The following SORCS3 variants were observed in gnomAD, a reference collection of about 807,000 sequenced individuals.
SORCS3 encodes the protein VPS10 domain-containing receptor SorCS3.
In SORCS3, 57 loss-of-function variants were observed where a neutral mutation model predicts 146.3. The ratio of observed to expected loss-of-function variants is 0.39; its 90% CI spans 0.31 to 0.49. SORCS3 has a LOEUF of 0.49. SORCS3 is among the 20% of genes least tolerant of loss of function. The pLI, the probability that SORCS3 is intolerant of heterozygous loss-of-function variation, is 0.92. For synonymous variants in SORCS3, 653 were observed against 618.5 expected, an observed-to-expected ratio of 1.06 and a Z score of -0.83; for missense variants, 1,341 against 1,575.5, an observed-to-expected ratio of 0.85 and a Z score of 2.52.
chr10:104,722,633 T>C (rs1459912889), intron 1 of SORCS3, among the ~76,000 whole-genome samples: 1 of 152,220 alleles, frequency 6.6e-6, no homozygotes, highest in Non-Finnish European at 1.5e-5. Flanking sequence ...TGGTAAGCTA[T>C]TAATTATTGT....
At chr10:104,993,596 G>A (rs1351473108) in intron 4 of SORCS3, among the ~76,000 whole-genome samples, 1 of 151,370 alleles carries the variant, frequency 6.6e-6, no homozygotes. Flanking sequence ...AATGCTGAAA[G>A]GTGGCTGGGA....
rs1164000237 is a variant in SORCS3 at position 105,083,980 on chromosome 10, A to G, written c.1029-5795A>G. Reference sequence around the variant, plus strand: ...CAGGAGAAGTTAAGCTTATGGCTCAAAGCCACCTGCCTGGTTTGAGTCTGA... The same window carrying G: ...CAGGAGAAGTTAAGCTTATGGCTCAGAGCCACCTGCCTGGTTTGAGTCTGA... On this transcript the variant is annotated intron_variant, in intron 5 of 26. Transcript: ENST00000369701. Among the ~76,000 whole-genome samples, 5 of 152,332 alleles carry G rather than the reference A, an allele frequency of 3.3e-5. No individual in the cohort carries two copies. In the East Asian group the frequency reaches 9.7e-4, roughly 29 times the overall value.
chr10:104,871,572 G>A (rs2491376), intron 2 of SORCS3, among the ~76,000 whole-genome samples: 1 of 152,046 alleles, frequency 6.6e-6, no homozygotes, highest in Non-Finnish European at 1.5e-5. Context: ...GCAGCCTTCT[G>A]CAATGTGTCT....
At chr10:104,917,409 A>G (rs557825758) in intron 3 of SORCS3, among the ~76,000 whole-genome samples, 9 of 152,212 alleles carry the variant, frequency 5.9e-5, no homozygotes, top group South Asian at 4.1e-4. Context: ...TGTACAACAT[A>G]CTGTTTTGAA....
intron 25 of SORCS3, among the ~76,000 whole-genome samples, chr10:105,260,904 AG>A (rs1236202497): frequency 2.0e-5 from 3 of 152,192 alleles, no homozygotes; most frequent in Non-Finnish European, 4.4e-5. Context: ...ATGAGGTAAG[AG>A]GGGTCTCTTC....
chr10:104,779,609 C>G (rs1475728049), intron 1 of SORCS3, among the ~76,000 whole-genome samples: 1 of 152,168 alleles, frequency 6.6e-6, no homozygotes. Flanking sequence ...GTAAAGACAG[C>G]TTGGTGCCCT....
chr10:105,198,668 A>G (rs1020734389), intron 14 of SORCS3, among the ~76,000 whole-genome samples: 8 of 152,140 alleles, frequency 5.3e-5, no homozygotes, highest in African/African-American at 1.9e-4. Context: ...TTTGCTCCAC[A>G]GTGTCAGCTG....
rs1589486681 is a variant in SORCS3, at chr10:104,755,455, A to G, written c.628-87337A>G. Among the ~76,000 whole-genome samples the G allele has an allele frequency of 2.6e-5, 4 of 152,244 alleles. No homozygotes were observed. The East Asian group carries it at 7.7e-4, about 29-fold the overall frequency. ...AAATTTAGATCAGTAATAAGATTGC[A>G]TGAGAGTTGAATAAGGACATAAGAA... On this transcript the variant is annotated intron_variant, in intron 1 of 26. Coordinates refer to ENST00000369701, the MANE Select transcript of SORCS3 (RefSeq NM_014978.3).
intron 1 of SORCS3, 68 bp downstream of exon 1, chr10:104,642,022 G>GGGTGGGGGGGGGGGGGGGGGGGCCCC: frequency 5.8e-6 from 1 of 173,336 alleles, no homozygotes; most frequent in Non-Finnish European, 1.1e-5. Context: ...GGGTGGGTGG[G>GGGTGGGGGGGGGGGGGGGGGGGCCCC]AGCGAGGGAC....
intron 3 of SORCS3, among the ~76,000 whole-genome samples, chr10:104,963,416 C>G (rs1303555236): frequency 6.6e-6 from 1 of 152,168 alleles, no homozygotes; most frequent in African/African-American, 2.4e-5. Flanking sequence ...CACAGCTGGA[C>G]ACTCTTCCCT....
intron 20 of SORCS3, among the ~76,000 whole-genome samples, chr10:105,223,839 C>T (rs1325802229): frequency 6.6e-6 from 1 of 152,204 alleles, no homozygotes; most frequent in African/African-American, 2.4e-5. Context: ...TCAAGCATGA[C>T]CACAATTGTA....
At chr10:104,884,223 A>G (rs1427905217) in intron 2 of SORCS3, among the ~76,000 whole-genome samples, 1 of 152,190 alleles carries the variant, frequency 6.6e-6, no homozygotes, top group South Asian at 2.1e-4. Flanking sequence ...GTGATAATAT[A>G]TCTTTAAAGG....
intron 4 of SORCS3, among the ~76,000 whole-genome samples, chr10:105,003,706 A>G (rs2902645): frequency 0.24 from 36,046 of 152,014 alleles, 4,858 homozygotes; most frequent in African/African-American, 0.35. Context: ...GGAACTTGAC[A>G]TGGGTGCCTG....
chr10:104,957,542 A>G (rs1007086359), intron 3 of SORCS3, among the ~76,000 whole-genome samples: 1 of 144,236 alleles, frequency 6.9e-6, no homozygotes, highest in Non-Finnish European at 1.5e-5. Context: ...TCTTTCTGCA[A>G]TAAGGAAAGA....
At chr10:105,242,854 A>T (rs1395801535) in intron 20 of SORCS3, among the ~76,000 whole-genome samples, 6 of 103,296 alleles carry the variant, frequency 5.8e-5, no homozygotes, top group African/African-American at 2.4e-4. Flanking sequence ...TTATATATAA[A>T]TTATATATAT....
At chr10:104,833,797 C>T (rs776697000) in intron 1 of SORCS3, among the ~76,000 whole-genome samples, 3 of 152,158 alleles carry the variant, frequency 2.0e-5, no homozygotes, top group Non-Finnish European at 4.4e-5. Flanking sequence ...GTAGCCTAAA[C>T]TCTCTTCTCT....
chr10:104,779,217 A>G (rs1379821634), intron 1 of SORCS3, among the ~76,000 whole-genome samples: 2 of 152,216 alleles, frequency 1.3e-5, no homozygotes, highest in Admixed American at 6.5e-5. Flanking sequence ...TGCAAGACCC[A>G]TTCTGGACTT....
intron 4 of SORCS3, among the ~76,000 whole-genome samples, chr10:105,011,519 G>C (rs1447912440): frequency 2.0e-5 from 3 of 152,012 alleles, no homozygotes; most frequent in African/African-American, 7.2e-5. Context: ...TTTTATTGCT[G>C]AGTAGGTTAT....
At chr10:104,863,198 A>C (rs2018424325) in intron 2 of SORCS3, among the ~76,000 whole-genome samples, 1 of 152,098 alleles carries the variant, frequency 6.6e-6, no homozygotes, top group Non-Finnish European at 1.5e-5. Flanking sequence ...GGAAGCTTTG[A>C]GTGGTTTCTT....
Sources: gnomAD v4.1 joint callset for allele counts (sites outside exome capture counted in the v4.1 genomes callset) on GRCh38, gnomAD v4.1.1 for gene constraint, MANE v1.5 for transcripts, NCBI Gene and HGNC (gene_info 2026-07-23, HGNC 2026-07-21) for gene names.